The following ADGRB3 variants were observed in gnomAD, a reference collection of about 807,000 sequenced individuals.
ADGRB3 encodes the protein adhesion G protein-coupled receptor B3.
Under a neutral mutation model 193.4 loss-of-function variants are expected in ADGRB3, and 37 were observed. The ratio of observed to expected loss-of-function variants is 0.19; its 90% CI spans 0.15 to 0.25. The LOEUF (loss-of-function observed/expected upper bound fraction) is 0.25, where lower values mean the gene tolerates loss of function less well. Ranked by LOEUF, ADGRB3 falls within the 10% of genes least tolerant of loss-of-function variation. The pLI is 1.00. For synonymous variants in ADGRB3, 690 were observed against 644.2 expected (o/e 1.07, Z -1.08); for missense variants, 1,637 against 1,852.9 (o/e 0.88, Z 2.14).
chr6:69,242,882 A>C (rs1253576978), intron 20 of ADGRB3, among the ~76,000 whole-genome samples: 1 of 151,910 alleles, frequency 6.6e-6, no homozygotes, highest in Non-Finnish European at 1.5e-5. Flanking sequence ...TTTCCTTTAC[A>C]CCTTTAAGTA....
intron 3 of ADGRB3, among the ~76,000 whole-genome samples, chr6:68,924,118 A>G (rs1767117071): frequency 6.6e-6 from 1 of 152,054 alleles, no homozygotes; most frequent in African/African-American, 2.4e-5. Context: ...CCAACAAATA[A>G]AACATATTTT....
At chr6:68,712,628 G>GAAAA (rs1765424652) in intron 3 of ADGRB3, among the ~76,000 whole-genome samples, 1 of 151,944 alleles carries the variant, frequency 6.6e-6, no homozygotes, top group African/African-American at 2.4e-5. Context: ...AGACATAGGA[G>GAAAA]AGAGACAAAG....
At chr6:68,815,603 T>TTGTGTGTGTG (rs5877170) in intron 3 of ADGRB3, among the ~76,000 whole-genome samples, 7 of 137,200 alleles carry the variant, frequency 5.1e-5, no homozygotes, top group East Asian at 3.0e-4. Flanking sequence ...CCATCAAAAA[T>TTGTGTGTGTG]TGTGTGTGTG....
At position 68,895,861 on chromosome 6, in the gene ADGRB3, C is replaced by T. The variant is rs192731090; in HGVS notation, c.758-34698C>T. On this transcript the variant is annotated intron_variant, in intron 3 of 31. Coordinates refer to ENST00000370598, the MANE Select transcript of ADGRB3 (RefSeq NM_001704.3). The stretch of plus-strand genomic sequence containing the variant: ...TTTTTTTTAAGTTGATCTGCACTAG[C>T]AGACAAAAACATATAAAATATCAAA... 9.0e-4 allele frequency among the ~76,000 whole-genome samples: 136 copies of T among 151,368 alleles called. 1 individual carries two copies. Among genetic ancestry groups the T allele is most frequent in the African/African-American group, 3.0e-3 (123 of 41,234 alleles).
intron 3 of ADGRB3, among the ~76,000 whole-genome samples, chr6:68,701,671 G>A (rs146459952): frequency 6.6e-6 from 1 of 152,156 alleles, no homozygotes; most frequent in African/African-American, 2.4e-5. Context: ...CCACATCTTG[G>A]TTCAAGGCTC....
chr6:69,033,890 G>C (rs2150294891), intron 13 of ADGRB3, among the ~76,000 whole-genome samples: 1 of 152,134 alleles, frequency 6.6e-6, no homozygotes, highest in South Asian at 2.1e-4. Context: ...GTCTATACTG[G>C]ACAGTACTGT....
At chr6:69,298,913 G>A (rs182771177) in intron 20 of ADGRB3, among the ~76,000 whole-genome samples, 12 of 152,048 alleles carry the variant, frequency 7.9e-5, no homozygotes, top group Non-Finnish European at 2.9e-5. Flanking sequence ...TTGGATTGCT[G>A]GATCATATGG....
At chr6:68,749,146 C>T (rs759523189) in intron 3 of ADGRB3, among the ~76,000 whole-genome samples, 13 of 152,188 alleles carry the variant, frequency 8.5e-5, no homozygotes, top group Non-Finnish European at 1.5e-4. Flanking sequence ...AGGTCTCTGA[C>T]ATGGCCTGGA....
intron 20 of ADGRB3, among the ~76,000 whole-genome samples, chr6:69,283,177 G>A (rs1365070096): frequency 6.6e-6 from 1 of 152,138 alleles, no homozygotes; most frequent in Admixed American, 6.6e-5. Context: ...AATTGCCAAG[G>A]GGACTGGGAG....
At chr6:69,328,625 G>A (rs904722060) in intron 22 of ADGRB3, among the ~76,000 whole-genome samples, 2 of 152,040 alleles carry the variant, frequency 1.3e-5, no homozygotes, top group African/African-American at 4.8e-5. Context: ...TTGGGTTTGA[G>A]GTAGGAATCA....
chr6:69,352,196 G>T (rs1046905003), intron 26 of ADGRB3, among the ~76,000 whole-genome samples: 21 of 151,998 alleles, frequency 1.4e-4, no homozygotes, highest in Admixed American at 3.9e-4. Flanking sequence ...ACCAATTTTC[G>T]ATTACTAATG....
At chr6:68,765,537 GACACACACAC>G (rs59919588) in intron 3 of ADGRB3, among the ~76,000 whole-genome samples, 47 of 143,554 alleles carry the variant, frequency 3.3e-4, no homozygotes, top group Admixed American at 1.5e-3. Context: ...TATTCTTATA[GACACACACAC>G]ACACACACAC....
intron 17 of ADGRB3, among the ~76,000 whole-genome samples, chr6:69,127,753 A>G (rs1040272678): frequency 3.9e-5 from 6 of 152,194 alleles, no homozygotes; most frequent in Non-Finnish European, 8.8e-5. Context: ...TCTTTTAAAA[A>G]ATTCTGGATA....
chr6:68,828,822 AGACCTT>A (rs1270809168), intron 3 of ADGRB3, among the ~76,000 whole-genome samples: 8 of 152,170 alleles, frequency 5.3e-5, no homozygotes, highest in Non-Finnish European at 1.2e-4. Flanking sequence ...TAAATCATAT[AGACCTT>A]AATTCCATAA....
At position 68,975,291 on chromosome 6, in the gene ADGRB3, C is replaced by G; in HGVS notation, c.1685C>G (p.Pro562Arg). 6.2e-7 allele frequency: 1 copy of G among 1,613,974 alleles called. No individual in the cohort carries two copies. Among genetic ancestry groups the G allele is most frequent in the Non-Finnish European group, 8.5e-7 (1 of 1,179,928 alleles). ...SLHGVAFWEQ[P>R]SFARCISNEY... The stretch of plus-strand genomic sequence containing the variant: ...CATGGAGTGGCCTTCTGGGAACAGC[C>G]GAGCTTTGCAAGATGCATATCAAAT... Residue 562 changes from proline (P) to arginine (R), a missense_variant, in exon 10 of 32, where the codon CCG becomes CGG. By Grantham distance (103) the Pro-to-Arg change is moderately radical (BLOSUM62 -2). This residue lies in a region of ADGRB3 where 641 missense variants were observed against 673.9 expected (regional missense o/e 0.95). Transcript: ENST00000370598.
chr6:68,676,510 A>G (rs1228733729), intron 3 of ADGRB3, among the ~76,000 whole-genome samples: 2 of 152,216 alleles, frequency 1.3e-5, no homozygotes, highest in Non-Finnish European at 2.9e-5. Context: ...ATCGTTCCAG[A>G]ATGCTAATGC....
intron 17 of ADGRB3, among the ~76,000 whole-genome samples, chr6:69,197,857 G>T (rs552658641): frequency 7.4e-4 from 112 of 152,132 alleles, no homozygotes; most frequent in African/African-American, 2.7e-3. Flanking sequence ...AATTTTATGT[G>T]CATGGAGCTT....
At chr6:68,714,659 T>C (rs533836443) in intron 3 of ADGRB3, among the ~76,000 whole-genome samples, 38 of 151,964 alleles carry the variant, frequency 2.5e-4, no homozygotes, top group Non-Finnish European at 4.4e-5. Flanking sequence ...AGAGAATAAA[T>C]TTTATAATTT....
chr6:69,059,500 C>T (rs1383796086), intron 15 of ADGRB3, among the ~76,000 whole-genome samples: 2 of 152,058 alleles, frequency 1.3e-5, no homozygotes, highest in East Asian at 3.9e-4. Flanking sequence ...ATGATTAATT[C>T]TATATATTTT....
Sources: gnomAD v4.1 joint callset for allele counts (sites outside exome capture counted in the v4.1 genomes callset) on GRCh38, gnomAD v4.1.1 for gene constraint, gnomAD v4.1.1 regional missense constraint, MANE v1.5 for transcripts, NCBI Gene and HGNC (gene_info 2026-07-23, HGNC 2026-07-21) for gene names.